DCC: variants seen among roughly 807,000 people sequenced by gnomAD.
DCC encodes the protein DCC netrin 1 receptor, also known as netrin receptor DCC.
In DCC, 58 loss-of-function variants were observed where a neutral mutation model predicts 172.5. The observed-to-expected ratio is 0.34, with a 90% CI of 0.27 to 0.42. The LOEUF (loss-of-function observed/expected upper bound fraction) is 0.42, where lower values mean the gene tolerates loss of function less well. Ranked by LOEUF, DCC falls within the 10% of genes least tolerant of loss-of-function variation. The pLI, the probability that DCC is intolerant of heterozygous loss-of-function variation, is 1.00. For synonymous variants in DCC, 709 were observed against 644.5 expected (o/e 1.10, Z -1.52); for missense variants, 1,740 against 1,791.0 (o/e 0.97, Z 0.51).
At chr18:52,945,961 A>G (rs968430718) in intron 5 of DCC, among the ~76,000 whole-genome samples, 1 of 152,036 alleles carries the variant, frequency 6.6e-6, no homozygotes, top group Non-Finnish European at 1.5e-5. Context: ...ACTAGTAACA[A>G]TTGGCCGGGG....
intron 1 of DCC, among the ~76,000 whole-genome samples, chr18:52,668,750 A>C (rs2035500292): frequency 6.6e-6 from 1 of 152,202 alleles, no homozygotes. Flanking sequence ...TTCCTACTGA[A>C]AGTTGATGTT....
In DCC at chr18:52,411,901, C is replaced by T. The variant is rs16954916; in HGVS notation, c.91+71023C>T. Among the ~76,000 whole-genome samples the T allele has an allele frequency of 3.4e-3, 524 of 152,218 alleles. 6 individuals carry two copies. Among genetic ancestry groups the T allele is most frequent in the African/African-American group, 0.012 (494 of 41,550 alleles). On this transcript the variant is annotated intron_variant, in intron 1 of 28. Coordinates refer to ENST00000442544, the MANE Select transcript of DCC (RefSeq NM_005215.4). Reference sequence around the variant, plus strand: ...AGCAATTCATCACTTATGCTGTGTCCGTAACAAACCCCAAATATTCCATGC... The same window carrying T: ...AGCAATTCATCACTTATGCTGTGTCTGTAACAAACCCCAAATATTCCATGC...
chr18:53,262,194 G>A (rs904935840), intron 12 of DCC, among the ~76,000 whole-genome samples: 1 of 152,128 alleles, frequency 6.6e-6, no homozygotes, highest in African/African-American at 2.4e-5. Context: ...AGTTGCTTTA[G>A]CCTACACACT....
intron 1 of DCC, among the ~76,000 whole-genome samples, chr18:52,714,780 T>C (rs961221023): frequency 6.6e-6 from 1 of 152,208 alleles, no homozygotes; most frequent in Non-Finnish European, 1.5e-5. Context: ...ATCCTCTCTC[T>C]CTCTCTGACA....
At chr18:53,425,638 A>T (rs559898566) in intron 21 of DCC, among the ~76,000 whole-genome samples, 1 of 152,092 alleles carries the variant, frequency 6.6e-6, no homozygotes, top group Admixed American at 6.6e-5. Flanking sequence ...CTGGGATTAC[A>T]GGAATGAGCC....
At chr18:53,387,711 A>G (rs1908259529) in intron 16 of DCC, among the ~76,000 whole-genome samples, 1 of 152,230 alleles carries the variant, frequency 6.6e-6, no homozygotes, top group African/African-American at 2.4e-5. Context: ...ATTGTGTCTC[A>G]TAATTTTCCT....
chr18:53,013,542 G>T (rs1312706458), intron 5 of DCC, among the ~76,000 whole-genome samples: 1 of 151,832 alleles, frequency 6.6e-6, no homozygotes, highest in Non-Finnish European at 1.5e-5. Flanking sequence ...GCATTATCGG[G>T]GGGTGGGGAG....
intron 1 of DCC, among the ~76,000 whole-genome samples, chr18:52,408,408 A>G (rs1206346941): frequency 1.1e-4 from 16 of 152,040 alleles, no homozygotes; most frequent in Admixed American, 1.0e-3. Flanking sequence ...TGAATTCAGG[A>G]TGCATGAAGA....
In DCC at chr18:53,534,473, G is replaced by A. The variant is rs1375041563; in HGVS notation, c.*3820G>A. On this transcript the variant is annotated 3_prime_UTR_variant, in exon 29 of 29. Coordinates refer to ENST00000442544, the MANE Select transcript of DCC (RefSeq NM_005215.4). ...CCCACAACTTTCTGGAGATGCAGAA[G>A]CAGCCATACACTCAAGTCTCTGTTT... The A allele has an allele frequency of 1.3e-5, 2 of 152,192 alleles. No homozygotes were observed. The highest frequency in any genetic ancestry group is 6.5e-5 in the Admixed American group (1 of 15,280). 9.4% of individuals were successfully genotyped at this position (152,192 alleles called of 1,614,324 possible).
rs2034524740 is a variant in DCC, at chr18:52,623,831, T to C, written c.92-128223T>C. Among the ~76,000 whole-genome samples, 3 of 152,166 alleles carry C rather than the reference T, an allele frequency of 2.0e-5. No individual in the cohort carries two copies. In the South Asian group the frequency reaches 6.2e-4, roughly 32 times the overall value. On this transcript the variant is annotated intron_variant, in intron 1 of 28. Coordinates refer to ENST00000442544, the MANE Select transcript of DCC (RefSeq NM_005215.4). ...CCTTCTATAAGAAAAGGCAAATCTCTGTCCCTCCCTTTCCCTCAGGATTGC... is the reference window on the plus strand; with the variant it reads ...CCTTCTATAAGAAAAGGCAAATCTCCGTCCCTCCCTTTCCCTCAGGATTGC...
intron 26 of DCC, among the ~76,000 whole-genome samples, chr18:53,487,962 G>T (rs907023036): frequency 1.3e-5 from 2 of 152,148 alleles, no homozygotes; most frequent in East Asian, 3.9e-4. Flanking sequence ...TCCAATCAAA[G>T]AATTGAGAGC....
At chr18:53,047,215 T>A (rs2042249638) in intron 5 of DCC, among the ~76,000 whole-genome samples, 1 of 113,404 alleles carries the variant, frequency 8.8e-6, no homozygotes, top group African/African-American at 3.5e-5. Flanking sequence ...GCTATCCTGG[T>A]GAGCCATCCC....
At chr18:53,158,242 G>C (rs1046056715) in intron 8 of DCC, among the ~76,000 whole-genome samples, 20 of 152,160 alleles carry the variant, frequency 1.3e-4, no homozygotes, top group African/African-American at 4.6e-4. Context: ...CCAGTACTTG[G>C]TAGAAGTTGT....
chr18:52,900,025 C>T (rs575823147), intron 2 of DCC, among the ~76,000 whole-genome samples: 149 of 152,246 alleles, frequency 9.8e-4, no homozygotes, highest in African/African-American at 3.3e-3. Flanking sequence ...TTAGTCTGGA[C>T]GATGGCTAGC....
intron 1 of DCC, among the ~76,000 whole-genome samples, chr18:52,484,688 G>A (rs956817966): frequency 2.6e-5 from 4 of 151,824 alleles, no homozygotes; most frequent in African/African-American, 9.7e-5. Context: ...TGCCCAAACA[G>A]ATTGCTACCA....
intron 7 of DCC, among the ~76,000 whole-genome samples, chr18:53,156,885 G>A (rs2144395669): frequency 6.6e-6 from 1 of 152,206 alleles, no homozygotes; most frequent in South Asian, 2.1e-4. Context: ...ACAATTCAGG[G>A]AAATATTAAT....
At chr18:53,045,178 T>C (rs879648267) in intron 5 of DCC, among the ~76,000 whole-genome samples, 1 of 151,872 alleles carries the variant, frequency 6.6e-6, no homozygotes, top group African/African-American at 2.4e-5. Context: ...ATGCAAATAC[T>C]TTAGAGAATG....
intron 7 of DCC, among the ~76,000 whole-genome samples, chr18:53,111,930 G>C (rs958419928): frequency 1.3e-5 from 2 of 151,442 alleles, no homozygotes; most frequent in Admixed American, 6.6e-5. Context: ...TGATCTACCA[G>C]GAAATGAGAG....
intron 5 of DCC, among the ~76,000 whole-genome samples, chr18:52,976,485 C>A (rs1441013751): frequency 6.6e-6 from 1 of 152,078 alleles, no homozygotes. Context: ...CTTCATTTAA[C>A]CTTAGCTAGC....
Sources: gnomAD v4.1 joint callset for allele counts (sites outside exome capture counted in the v4.1 genomes callset) on GRCh38, gnomAD v4.1.1 for gene constraint, MANE v1.5 for transcripts, NCBI Gene and HGNC (gene_info 2026-07-23, HGNC 2026-07-21) for gene names.